The following KAT14 variants were observed in gnomAD, a reference collection of about 807,000 sequenced individuals.
The protein encoded by KAT14 is lysine acetyltransferase 14.
Under a neutral mutation model 78.4 loss-of-function variants are expected in KAT14, and 66 were observed. The observed-to-expected ratio is 0.84, with a 90% CI of 0.69 to 1.03. The LOEUF is 1.03. Ranked by LOEUF, KAT14 falls within the 50% of genes least tolerant of loss-of-function variation. The pLI is 0.00. For synonymous variants in KAT14, 344 were observed against 359.4 expected, an observed-to-expected ratio of 0.96 and a Z score of 0.48; for missense variants, 870 against 972.5, an observed-to-expected ratio of 0.89 and a Z score of 1.40.
Position 18,142,345 on chromosome 20 carries a change from T to C in KAT14, c.-316T>C, listed in dbSNP as rs2037619553. On this transcript the variant is annotated 5_prime_UTR_variant, in exon 2 of 11. Transcript: ENST00000688188. ...AGAAGATGTTATTGGCAAAAGGATC[T>C]CAAAAATCATGACTTGAATGTGAAA... 6.5e-7 allele frequency: 1 copy of C among 1,536,004 alleles called. No homozygotes were observed. Among genetic ancestry groups the C allele is most frequent in the African/African-American group, 1.4e-5 (1 of 72,996 alleles).
At chr20:18,172,793 TA>T (rs1212946781) in intron 7 of KAT14, among the ~76,000 whole-genome samples, 1 of 152,218 alleles carries the variant, frequency 6.6e-6, no homozygotes, top group Non-Finnish European at 1.5e-5. Flanking sequence ...TTATACCTTG[TA>T]ATTTTTTGTT....
intron 3 of KAT14, among the ~76,000 whole-genome samples, chr20:18,150,439 C>T (rs541427362): frequency 6.6e-6 from 1 of 152,186 alleles, no homozygotes; most frequent in South Asian, 2.1e-4. Context: ...CTGGAGGCCT[C>T]CTGCTGGCCA....
chr20:18,141,756 C>T (rs558828764), intron 1 of KAT14, among the ~76,000 whole-genome samples: 6 of 152,132 alleles, frequency 3.9e-5, no homozygotes, highest in East Asian at 1.9e-4. Context: ...TGGTGATGCA[C>T]GCCTGTAGTC....
intron 7 of KAT14, among the ~76,000 whole-genome samples, chr20:18,176,946 A>G (rs895103836): frequency 1.3e-5 from 2 of 152,152 alleles, no homozygotes; most frequent in Admixed American, 6.6e-5. Flanking sequence ...AGTGGTTTAC[A>G]CTAGAGTGGG....
At position 18,169,210 on chromosome 20, in the gene KAT14, G is replaced by A. The variant is rs115444457; in HGVS notation, c.1668+6265G>A. Reference sequence around the variant, plus strand: ...AATTGCCCATCTGTTCTTGCATATTGTGTATTTTGTCCATTAAGCCCTTAA... The same window carrying A: ...AATTGCCCATCTGTTCTTGCATATTATGTATTTTGTCCATTAAGCCCTTAA... On this transcript the variant is annotated intron_variant, in intron 7 of 10. Coordinates refer to ENST00000688188, the MANE Select transcript of KAT14 (RefSeq NM_001392073.1). Among the ~76,000 whole-genome samples, 1,388 of 152,118 alleles carry A rather than the reference G, an allele frequency of 9.1e-3. 32 individuals carry two copies. The highest frequency in any genetic ancestry group is 0.032 in the African/African-American group (1,314 of 41,476).
intron 3 of KAT14, among the ~76,000 whole-genome samples, chr20:18,145,988 G>C (rs1313652446): frequency 6.6e-6 from 1 of 152,086 alleles, no homozygotes; most frequent in Non-Finnish European, 1.5e-5. Flanking sequence ...GAAGAAGGAA[G>C]GTGACTGATT....
In KAT14 at chr20:18,137,868, T is replaced by C. The variant is rs1197241327; in HGVS notation, c.-637T>C. 41 of 1,327,246 alleles carry C rather than the reference T, an allele frequency of 3.1e-5. No homozygotes were observed. The highest frequency in any genetic ancestry group is 3.9e-5 in the Non-Finnish European group (40 of 1,022,896). The allele number at this position is 1,327,246 out of a possible 1,614,324, so 82.2% of individuals were successfully genotyped here. ...GGCTCTGCGCTCGAGGGGTCGAGCC[T>C]GGGCAGTACAGGCGGCGGTGCGCAC... On this transcript the variant is annotated 5_prime_UTR_variant, in exon 1 of 11. Coordinates refer to ENST00000688188, the MANE Select transcript of KAT14 (RefSeq NM_001392073.1).
chr20:18,143,615 A>ATTTTTTTTTTTTTTT (rs201858697), intron 2 of KAT14, among the ~76,000 whole-genome samples: 1 of 103,998 alleles, frequency 9.6e-6, no homozygotes. Context: ...CACCTGGCTA[A>ATTTTTTTTTTTTTTT]TTTTTTTTTT....
chr20:18,157,816 A>G (rs967016564), intron 4 of KAT14, among the ~76,000 whole-genome samples: 1 of 152,188 alleles, frequency 6.6e-6, no homozygotes. Flanking sequence ...ATAATATTCT[A>G]TTGTATGTGT....
At chr20:18,148,249 A>T (rs1393337250) in intron 3 of KAT14, among the ~76,000 whole-genome samples, 3 of 152,230 alleles carry the variant, frequency 2.0e-5, no homozygotes, top group Non-Finnish European at 4.4e-5. Context: ...ACTTACAGTA[A>T]AGAGGTCTGA....
intron 8 of KAT14, 67 bp downstream of exon 8, chr20:18,181,913 C>A (rs2039273508): frequency 2.5e-6 from 4 of 1,587,510 alleles, no homozygotes; most frequent in Non-Finnish European, 3.4e-6. Flanking sequence ...GTTTCTGTGC[C>A]CTGTTCTCCT....
At chr20:18,158,550 A>G (rs1466012240) in intron 4 of KAT14, among the ~76,000 whole-genome samples, 1 of 152,200 alleles carries the variant, frequency 6.6e-6, no homozygotes, top group East Asian at 1.9e-4. Flanking sequence ...AGTATACCAC[A>G]TAGTTTTGTT....
chr20:18,174,669 AT>A lies in KAT14; in HGVS notation c.1669-7030del, dbSNP rs11481085. ...CTTTTGTTTTCTTGCTTTTTTTTTT[AT>A]TTTTTTTTTTGAGGTGGATTTTTAC... On this transcript the variant is annotated intron_variant, in intron 7 of 10. Transcript: ENST00000688188. 9.0e-3 allele frequency among the ~76,000 whole-genome samples: 1,245 copies of A among 138,858 alleles called. 5 individuals carry two copies. Among genetic ancestry groups the A allele is most frequent in the Middle Eastern group, 0.014 (4 of 282 alleles). The allele number at this position is 138,858 out of a possible 152,430, so 91.1% of individuals were successfully genotyped here.
At chr20:18,173,210 A>G (rs1170079748) in intron 7 of KAT14, among the ~76,000 whole-genome samples, 3 of 152,326 alleles carry the variant, frequency 2.0e-5, no homozygotes, top group South Asian at 2.1e-4. Context: ...ACCTGGTCCA[A>G]CTTCTGGAGG....
At chr20:18,151,925 C>T (rs2038059693) in intron 4 of KAT14, among the ~76,000 whole-genome samples, 1 of 150,924 alleles carries the variant, frequency 6.6e-6, no homozygotes, top group Non-Finnish European at 1.5e-5. Flanking sequence ...ATTGCTTGAA[C>T]CCAGGAGGTG....
At chr20:18,181,111 G>A (rs540207933) in intron 7 of KAT14, among the ~76,000 whole-genome samples, 2 of 152,136 alleles carry the variant, frequency 1.3e-5, no homozygotes, top group African/African-American at 4.8e-5. Context: ...CAAATCCAGT[G>A]TTCAATCCTG....
intron 5 of KAT14, among the ~76,000 whole-genome samples, chr20:18,161,378 C>G (rs1254014024): frequency 3.9e-5 from 6 of 152,106 alleles, no homozygotes; most frequent in South Asian, 2.1e-4. Flanking sequence ...TTTGCCAGTT[C>G]CAGTAGGTGA....
chr20:18,163,046 C>G (rs2038506995), intron 7 of KAT14, 101 bp downstream of exon 7: 2 of 1,413,100 alleles, frequency 1.4e-6, no homozygotes, highest in Admixed American at 5.6e-5. Context: ...CTTTTAAATC[C>G]TGAGTAATTT....
At position 18,176,005 on chromosome 20, in the gene KAT14, C is replaced by CAAA. The variant is rs35353769; in HGVS notation, c.1669-5690_1669-5688dup. ...CGTGGGCAACTGAGTGAGACTGTCT[C>CAAA]AAAAAAAAAAAAAAAAAGCCAGGTA... On this transcript the variant is annotated intron_variant, in intron 7 of 10. Transcript: ENST00000688188. 8.4e-3 allele frequency among the ~76,000 whole-genome samples: 888 copies of CAAA among 106,140 alleles called. 21 individuals are homozygous for CAAA. Among genetic ancestry groups the CAAA allele is most frequent in the African/African-American group, 0.031 (807 of 26,020 alleles). The allele number at this position is 106,140 out of a possible 152,430, so 69.6% of individuals were successfully genotyped here.
Sources: allele counts gnomAD v4.1 joint callset (sites outside exome capture counted in the v4.1 genomes callset), GRCh38; gene constraint gnomAD v4.1.1; transcripts MANE v1.5; gene names NCBI Gene and HGNC (gene_info 2026-07-23, HGNC 2026-07-21).